SND1: variants seen among roughly 807,000 people sequenced by gnomAD.
The protein encoded by SND1 is staphylococcal nuclease and tudor domain containing 1.
Under a neutral mutation model 121.7 loss-of-function variants are expected in SND1, and 38 were observed. The ratio of observed to expected loss-of-function variants is 0.31; its 90% CI spans 0.24 to 0.41. The LOEUF (loss-of-function observed/expected upper bound fraction) is 0.41. Among genes scored for constraint, SND1 ranks in the 10% least tolerant of loss-of-function variants. The pLI, the probability that SND1 is intolerant of heterozygous loss-of-function variation, is 1.00. For synonymous variants in SND1, 401 were observed against 447.4 expected (o/e 0.90, Z 1.31); for missense variants, 868 against 1,184.6 (o/e 0.73, Z 3.92).
In SND1 at chr7:127,704,901, T is replaced by A. The variant is rs148681553; in HGVS notation, c.903T>A (p.Ile301=). The A allele has an allele frequency of 1.2e-6, 2 of 1,613,954 alleles. No individual in the cohort carries two copies. Among genetic ancestry groups the A allele is most frequent in the African/African-American group, 2.7e-5 (2 of 74,914 alleles). The part of the protein sequence containing the change: ...EGFARCVDWS[I]AVYTRGAEKL... ...TCGCACGCTGTGTGGACTGGTCGAT[T>A]GCAGTTTACACCCGGGGCGCAGAAA... The change falls in exon 8 of 24, where the codon ATT becomes ATA. Residue 301 remains isoleucine, a synonymous_variant. Coordinates refer to ENST00000354725, the MANE Select transcript of SND1 (RefSeq NM_014390.4).
intron 16 of SND1, among the ~76,000 whole-genome samples, chr7:128,065,452 A>T (rs1324841759): frequency 6.6e-6 from 1 of 152,234 alleles, no homozygotes; most frequent in Non-Finnish European, 1.5e-5. Flanking sequence ...GCAGGCCTTG[A>T]GGTCAGTTAT....
At chr7:127,933,320 C>T (rs1413434089) in intron 15 of SND1, among the ~76,000 whole-genome samples, 1 of 152,184 alleles carries the variant, frequency 6.6e-6, no homozygotes, top group African/African-American at 2.4e-5. Context: ...AAGGCATTGC[C>T]TGAGTTAACT....
rs1793662354 is a variant in SND1, at chr7:128,084,859, G to A, written c.2234+12G>A. The A allele has an allele frequency of 6.3e-7, 1 of 1,585,510 alleles. No homozygotes were observed. The highest frequency in any genetic ancestry group is 1.7e-5 in the Admixed American group (1 of 58,356). On this transcript the variant is annotated intron_variant, in intron 19 of 23. Transcript: ENST00000354725. Reference sequence around the variant, plus strand: ...GTAGATGGAGAATGGTAAGCCACTTGGAAAAGCAAGGCAGAGTCTTGAGCA... The same window carrying A: ...GTAGATGGAGAATGGTAAGCCACTTAGAAAAGCAAGGCAGAGTCTTGAGCA...
At chr7:127,955,159 C>T (rs533644840) in intron 15 of SND1, among the ~76,000 whole-genome samples, 1 of 152,192 alleles carries the variant, frequency 6.6e-6, no homozygotes, top group Admixed American at 6.5e-5. Flanking sequence ...AAGGAGAATG[C>T]CTTATTTATT....
intron 22 of SND1, among the ~76,000 whole-genome samples, chr7:128,091,055 A>C (rs1350115871): frequency 6.6e-6 from 1 of 152,230 alleles, no homozygotes; most frequent in East Asian, 1.9e-4. Context: ...AGTGAGCAAG[A>C]AACAGCACCC....
intron 4 of SND1, among the ~76,000 whole-genome samples, chr7:127,699,176 T>A (rs1294813600): frequency 3.3e-5 from 5 of 152,252 alleles, no homozygotes; most frequent in Non-Finnish European, 7.3e-5. Context: ...TAGGCAATTC[T>A]ATTCTTCATA....
intron 12 of SND1, among the ~76,000 whole-genome samples, chr7:127,885,003 T>TG (rs1799867525): frequency 6.6e-6 from 1 of 152,140 alleles, no homozygotes; most frequent in African/African-American, 2.4e-5. Flanking sequence ...CTTTAATGCC[T>TG]GGCTATGGAG....
chr7:127,682,119 C>T (rs1036834052), intron 1 of SND1, among the ~76,000 whole-genome samples: 1 of 152,066 alleles, frequency 6.6e-6, no homozygotes, highest in African/African-American at 2.4e-5. Context: ...GTGTCATTGG[C>T]CCAGGAGTTA....
At chr7:127,992,036 T>C (rs1442250302) in intron 16 of SND1, among the ~76,000 whole-genome samples, 5 of 152,188 alleles carry the variant, frequency 3.3e-5, no homozygotes, top group African/African-American at 4.8e-5. Context: ...CTTCTTATTT[T>C]GTAGAAGAAA....
chr7:127,942,289 A>T (rs1050759050), intron 15 of SND1, among the ~76,000 whole-genome samples: 4 of 152,218 alleles, frequency 2.6e-5, no homozygotes, highest in Non-Finnish European at 5.9e-5. Flanking sequence ...ACAGTACAGC[A>T]TATACTTAAA....
intron 16 of SND1, among the ~76,000 whole-genome samples, chr7:128,014,729 C>T (rs571333374): frequency 9.1e-4 from 139 of 152,210 alleles, no homozygotes; most frequent in Non-Finnish European, 1.5e-3. Context: ...GATCAAGATT[C>T]AGTTTTGCTT....
chr7:127,954,364 TTA>T (rs1801545234), intron 15 of SND1, among the ~76,000 whole-genome samples: 1 of 152,188 alleles, frequency 6.6e-6, no homozygotes, highest in Admixed American at 6.5e-5. Context: ...GGAGCCCTTA[TTA>T]TTACCTGCTT....
chr7:127,663,387 T>G (rs915762309), intron 1 of SND1, among the ~76,000 whole-genome samples: 6 of 152,008 alleles, frequency 3.9e-5, no homozygotes, highest in African/African-American at 1.4e-4. Flanking sequence ...CTTTTTTTTT[T>G]TTTGAGATGG....
chr7:127,708,387 CTTCT>C (rs1796240544), intron 9 of SND1, among the ~76,000 whole-genome samples: 1 of 141,520 alleles, frequency 7.1e-6, no homozygotes, highest in South Asian at 2.5e-4. Context: ...TCCTTCCTTC[CTTCT>C]TCCCTTCCTC....
In SND1 at chr7:128,020,890, G is replaced by A. The variant is rs562186815; in HGVS notation, c.1779+29834G>A. Among the ~76,000 whole-genome samples, 4 of 152,248 alleles carry A rather than the reference G, an allele frequency of 2.6e-5. No individual in the cohort carries two copies. In the South Asian group the frequency reaches 6.2e-4, roughly 24 times the overall value. ...GCACACAGCACCTCCAGTGCTTGCC[G>A]TCTCTCCCCCTCATGAGAGAAACAA... On this transcript the variant is annotated intron_variant, in intron 16 of 23. Transcript: ENST00000354725.
At chr7:127,969,535 C>A (rs1801932234) in intron 15 of SND1, among the ~76,000 whole-genome samples, 1 of 152,146 alleles carries the variant, frequency 6.6e-6, no homozygotes, top group Admixed American at 6.5e-5. Context: ...ACCAGCCTGG[C>A]TAACATGGTG....
chr7:127,959,562 C>T (rs1801678808), intron 15 of SND1, among the ~76,000 whole-genome samples: 1 of 152,158 alleles, frequency 6.6e-6, no homozygotes, highest in South Asian at 2.1e-4. Flanking sequence ...TCTGGATATC[C>T]TTAGGTTCAG....
intron 9 of SND1, among the ~76,000 whole-genome samples, chr7:127,713,610 A>G (rs1164838472): frequency 6.6e-6 from 1 of 152,208 alleles, no homozygotes; most frequent in Non-Finnish European, 1.5e-5. Flanking sequence ...AAAAGCCTCA[A>G]AAGCCTGCAA....
chr7:127,984,256 C>T, intron 15 of SND1, among the ~76,000 whole-genome samples: 1 of 152,236 alleles, frequency 6.6e-6, no homozygotes, highest in East Asian at 1.9e-4. Flanking sequence ...TCAGGTCTCT[C>T]TGACATAGCT....
Sources: gnomAD v4.1 joint callset for allele counts (sites outside exome capture counted in the v4.1 genomes callset) on GRCh38, gnomAD v4.1.1 for gene constraint, MANE v1.5 for transcripts, NCBI Gene and HGNC (gene_info 2026-07-23, HGNC 2026-07-21) for gene names.